PSD3: variants seen among roughly 807,000 people sequenced by gnomAD.
The protein encoded by PSD3 is PH and SEC7 domain-containing protein 3.
A neutral mutation model predicts 105.5 loss-of-function variants in PSD3; 49 were observed. The ratio of observed to expected loss-of-function variants is 0.46; its 90% CI spans 0.37 to 0.59. The LOEUF (loss-of-function observed/expected upper bound fraction) is 0.59, where lower values mean the gene tolerates loss of function less well. Among genes scored for constraint, PSD3 ranks in the 20% least tolerant of loss-of-function variants. The pLI is 0.00. For synonymous variants in PSD3, 557 were observed against 457.8 expected, an observed-to-expected ratio of 1.22 and a Z score of -2.77; for missense variants, 1,561 against 1,263.8, an observed-to-expected ratio of 1.24 and a Z score of -3.57.
At chr8:18,567,823 T>C (rs1801888425) in intron 14 of PSD3, among the ~76,000 whole-genome samples, 1 of 152,152 alleles carries the variant, frequency 6.6e-6, no homozygotes, top group Non-Finnish European at 1.5e-5. Context: ...AATGATATAG[T>C]TTGGATGCTT....
chr8:19,009,958 G>A (rs1020391517), intron 1 of PSD3, among the ~76,000 whole-genome samples: 3 of 152,138 alleles, frequency 2.0e-5, no homozygotes, highest in Admixed American at 2.0e-4. Flanking sequence ...CAGAAGACCC[G>A]TGTGAAAATA....
At chr8:18,802,681 C>T (rs983657841) in intron 6 of PSD3, among the ~76,000 whole-genome samples, 15 of 152,134 alleles carry the variant, frequency 9.9e-5, no homozygotes, top group African/African-American at 3.1e-4. Context: ...CCTCCCTTCA[C>T]CTCCCAGACC....
chr8:19,025,456 T>A (rs975494231), intron 1 of PSD3, among the ~76,000 whole-genome samples: 1 of 152,206 alleles, frequency 6.6e-6, no homozygotes, highest in South Asian at 2.1e-4. Context: ...CTCCAGACTT[T>A]CACTATTTTC....
intron 11 of PSD3, among the ~76,000 whole-genome samples, chr8:18,620,475 C>G (rs1294485209): frequency 1.3e-5 from 2 of 151,716 alleles, no homozygotes; most frequent in African/African-American, 4.8e-5. Context: ...TTTGGGAGGC[C>G]AAGCCTGGTG....
At chr8:19,005,409 T>C (rs1215361686) in intron 1 of PSD3, among the ~76,000 whole-genome samples, 3 of 151,932 alleles carry the variant, frequency 2.0e-5, no homozygotes, top group African/African-American at 7.2e-5. Flanking sequence ...AGAAAATAGA[T>C]TAGTGGTTGC....
At chr8:18,628,452 G>A (rs371831905) in intron 11 of PSD3, among the ~76,000 whole-genome samples, 1 of 151,724 alleles carries the variant, frequency 6.6e-6, no homozygotes, top group Non-Finnish European at 1.5e-5. Flanking sequence ...AGTATTGAAA[G>A]GAAAAACAAC....
chr8:18,836,425 G>A (rs995174409), intron 4 of PSD3, among the ~76,000 whole-genome samples: 2 of 152,134 alleles, frequency 1.3e-5, no homozygotes, highest in Non-Finnish European at 2.9e-5. Flanking sequence ...ATTTATCTGT[G>A]CACATGCAAA....
chr8:18,778,016 T>C lies in PSD3; in HGVS notation c.2083-12478A>G, dbSNP rs533347394. On this transcript the variant is annotated intron_variant, in intron 8 of 15. Transcript: ENST00000327040. ...AGAGTAATATTCTATTATGTATATA[T>C]GTTACATTTTCTTTGTGTATTCATA... is the stretch of plus-strand genomic sequence containing the variant. Among the ~76,000 whole-genome samples the C allele has an allele frequency of 2.6e-5, 4 of 152,340 alleles. 1 individual carries two copies. Among genetic ancestry groups the C allele is most frequent in the African/African-American group, 9.6e-5 (4 of 41,580 alleles).
intron 12 of PSD3, among the ~76,000 whole-genome samples, chr8:18,592,128 G>C (rs74304001): frequency 0.041 from 6,280 of 152,102 alleles, 318 homozygotes; most frequent in East Asian, 0.22. Context: ...ACACTGTAAA[G>C]ATGCTCAACA....
At chr8:18,931,759 G>C (rs187417202) in intron 2 of PSD3, among the ~76,000 whole-genome samples, 18 of 152,324 alleles carry the variant, frequency 1.2e-4, no homozygotes, top group Admixed American at 6.5e-5. Context: ...CAACAGAAGA[G>C]TCCCCGAAGG....
intron 9 of PSD3, among the ~76,000 whole-genome samples, chr8:18,695,348 G>C (rs1053602516): frequency 1.3e-5 from 2 of 152,152 alleles, no homozygotes; most frequent in Non-Finnish European, 2.9e-5. Flanking sequence ...CATGCATGAA[G>C]TAAAAAGATA....
At chr8:18,976,131 T>A (rs1328429764) in intron 1 of PSD3, among the ~76,000 whole-genome samples, 1 of 152,112 alleles carries the variant, frequency 6.6e-6, no homozygotes, top group Admixed American at 6.6e-5. Context: ...TAAAATACAG[T>A]CATTAAAATG....
chr8:18,880,985 G>C (rs890246313), intron 2 of PSD3, among the ~76,000 whole-genome samples: 6 of 152,252 alleles, frequency 3.9e-5, no homozygotes, highest in African/African-American at 7.2e-5. Flanking sequence ...GGAGGGAAGA[G>C]AGAAGAGTTT....
At chr8:18,545,225 T>C (rs879636908) in intron 15 of PSD3, among the ~76,000 whole-genome samples, 4 of 152,162 alleles carry the variant, frequency 2.6e-5, no homozygotes, top group Admixed American at 6.5e-5. Flanking sequence ...TCTACAAAGC[T>C]TACTTAGAAA....
At position 18,872,361 on chromosome 8, in the gene PSD3, T is replaced by A. The variant is rs1467901826; in HGVS notation, c.503A>T (p.Gln168Leu). The A allele has an allele frequency of 6.2e-7, 1 of 1,614,224 alleles. No homozygotes were observed. Among genetic ancestry groups the A allele is most frequent in the East Asian group, 2.2e-5 (1 of 44,892 alleles). The stretch of plus-strand genomic sequence containing the variant: ...GGCAGTGTCCAGCTCTTTTTCCACC[T>A]GCTGAACTGAAAAACTAGAAACAGC... ...QDAVSSFSVQ[Q>L]VEKELDTASR... The change falls in exon 3 of 16, where the codon CAG becomes CTG. Residue 168 changes from glutamine (Q) to leucine (L), a missense_variant. By Grantham distance (113) the Gln-to-Leu change is moderately radical. Transcript: ENST00000327040.
At chr8:18,689,995 G>T (rs1031512986) in intron 9 of PSD3, among the ~76,000 whole-genome samples, 1 of 152,092 alleles carries the variant, frequency 6.6e-6, no homozygotes, top group Admixed American at 6.6e-5. Context: ...CAATATTGAG[G>T]TTTCTTTTTT....
intron 2 of PSD3, among the ~76,000 whole-genome samples, chr8:18,914,540 A>G (rs1354096847): frequency 1.3e-5 from 2 of 152,238 alleles, no homozygotes; most frequent in African/African-American, 4.8e-5. Context: ...ATCAGCATAC[A>G]AAAACCAGTA....
At chr8:18,579,689 C>T (rs564769596) in intron 12 of PSD3, among the ~76,000 whole-genome samples, 2 of 152,242 alleles carry the variant, frequency 1.3e-5, no homozygotes, top group East Asian at 3.9e-4. Context: ...ACATCATCTA[C>T]ATATGTACAA....
intron 15 of PSD3, among the ~76,000 whole-genome samples, chr8:18,541,732 T>C (rs3780102): frequency 0.79 from 119,043 of 151,590 alleles, 46,720 homozygotes; most frequent in East Asian, 0.86. Context: ...TCATAAAACA[T>C]AGACCCATTT....
Sources: gnomAD v4.1 joint callset for allele counts (sites outside exome capture counted in the v4.1 genomes callset) on GRCh38, gnomAD v4.1.1 for gene constraint, MANE v1.5 for transcripts, NCBI Gene and HGNC (gene_info 2026-07-23, HGNC 2026-07-21) for gene names.